CMTM5: variants seen among roughly 807,000 people sequenced by gnomAD.
CMTM5 encodes CKLF-like MARVEL transmembrane domain-containing protein 5.
Under a neutral mutation model 26.9 loss-of-function variants are expected in CMTM5, and 25 were observed. The ratio of observed to expected loss-of-function variants is 0.93; its 90% CI spans 0.68 to 1.30. CMTM5 has a LOEUF of 1.30. Among genes scored for constraint, CMTM5 ranks in the 50% most tolerant of loss-of-function variants. The pLI is 0.00. For missense variants in CMTM5, 292 were observed against 289.6 expected (o/e 1.01, Z -0.06); for synonymous variants, 98 against 115.5 (o/e 0.85, Z 0.97).
At chr14:23,376,906 CTTT>C, upstream of CMTM5, 1 of 277,264 alleles carries the variant, frequency 3.6e-6, no homozygotes, top group South Asian at 5.7e-5. Context: ...CTCCCAGTTT[CTTT>C]TCGGACCTCC....
rs753088572 is a variant in CMTM5 at position 23,379,281 on chromosome 14, C to T, written c.574-18C>T. On this transcript the variant is annotated intron_variant, in intron 4 of 5. Transcript: ENST00000339180. ...CCCTATAGCCTCTGTTTTGCCATCC[C>T]CACTCCCACTCCCACAGGTTTTTGG... 41 of 1,613,756 alleles carry T rather than the reference C, an allele frequency of 2.5e-5. No homozygotes were observed. Among genetic ancestry groups the T allele is most frequent in the South Asian group, 1.1e-5 (1 of 91,022 alleles).
rs754669344 is a variant in CMTM5 at position 23,379,334 on chromosome 14, T to C, written c.609T>C (p.Tyr203=). 17 of 1,614,060 alleles carry C rather than the reference T, an allele frequency of 1.1e-5. No individual in the cohort carries two copies. Among genetic ancestry groups the C allele is most frequent in the Admixed American group, 1.0e-4 (6 of 60,008 alleles). The part of the protein sequence containing the change: ...FGIILVSIFA[Y]DAFKIYRTEM... ...TCATCCTGGTTTCCATCTTTGCCTA[T>C]GATGCCTTCAAGATCTACCGGACTG... The change falls in exon 5 of 6, where the codon TAT becomes TAC. Residue 203 remains tyrosine, a synonymous_variant. Coordinates refer to ENST00000339180, the MANE Select transcript of CMTM5 (RefSeq NM_001288746.2).
Position 23,378,569 on chromosome 14 carries a change from T to A in CMTM5, c.279+68T>A. The A allele has an allele frequency of 6.2e-7, 1 of 1,609,450 alleles. No homozygotes were observed. Among genetic ancestry groups the A allele is most frequent in the Admixed American group, 1.7e-5 (1 of 59,878 alleles). ...CTCCTCTAAATGATGCATTTTCCTT[T>A]CCTCCCCGAGCTTCTTTCCATTTCC... On this transcript the variant is annotated intron_variant, in intron 2 of 5. Transcript: ENST00000339180. The surrounding 1 kb of genome is among the most constrained non-coding windows in gnomAD (Gnocchi z 4.2).
Position 23,377,386 on chromosome 14 carries a change from T to C in CMTM5, c.126+9T>C, listed in dbSNP as rs1304239004. The C allele has an allele frequency of 6.4e-7, 1 of 1,567,606 alleles. No individual in the cohort carries two copies. The highest frequency in any genetic ancestry group is 8.7e-7 in the Non-Finnish European group (1 of 1,154,716). On this transcript the variant is annotated intron_variant, in intron 1 of 5. Transcript: ENST00000339180. The surrounding 1 kb of genome is among the most constrained non-coding windows in gnomAD (Gnocchi z 4.6). ...TGCTGGAAACCGAGCTGGTAACAGC[T>C]GCCTCCCAACCTGGTGCCTCCATCT...
Position 23,379,638 on chromosome 14 carries a change from T to C in CMTM5, c.*151T>C. On this transcript the variant is annotated 3_prime_UTR_variant, in exon 6 of 6. Coordinates refer to ENST00000339180, the MANE Select transcript of CMTM5 (RefSeq NM_001288746.2). Reference sequence around the variant, plus strand: ...CCTGAGACGTCACTGGGGACTTATCTGTGGAGCCTGGTGCTCCAGGATGTG... The same window carrying C: ...CCTGAGACGTCACTGGGGACTTATCCGTGGAGCCTGGTGCTCCAGGATGTG... 6.9e-7 allele frequency: 1 copy of C among 1,445,698 alleles called. No individual in the cohort carries two copies. The allele number at this position is 1,445,698 out of a possible 1,614,324, so 89.6% of individuals were successfully genotyped here. A position where few individuals can be genotyped will look rare whatever the true frequency, so the allele number is the denominator to read the frequency against.
chr14:23,377,987 G>A lies in CMTM5; in HGVS notation c.127-362G>A. Reference sequence around the variant, plus strand: ...CTGGGGGTGGGGAAAGCATTATGAGGCAGGGGGCTCCTCTTGGTCCCTGTG... The same window carrying A: ...CTGGGGGTGGGGAAAGCATTATGAGACAGGGGGCTCCTCTTGGTCCCTGTG... On this transcript the variant is annotated intron_variant, in intron 1 of 5. Transcript: ENST00000339180. This position sits in a 1 kb window ranked among gnomAD's most constrained non-coding sequence, Gnocchi z 4.6. 4.1e-6 allele frequency: 1 copy of A among 241,590 alleles called. No homozygotes were observed. Among genetic ancestry groups the A allele is most frequent in the Non-Finnish European group, 7.9e-6 (1 of 126,220 alleles). The allele number at this position is 241,590 out of a possible 1,614,324, so 15.0% of individuals were successfully genotyped here. A position where few individuals can be genotyped will look rare whatever the true frequency, so the allele number is the denominator to read the frequency against.
chr14:23,378,964 T>A lies in CMTM5; in HGVS notation c.481-67T>A. 1 of 1,607,462 alleles carries A rather than the reference T, an allele frequency of 6.2e-7. No homozygotes were observed. Among genetic ancestry groups the A allele is most frequent in the Non-Finnish European group, 8.5e-7 (1 of 1,175,240 alleles). ...CTCAGGGTCGGGCTGCTGGCTAGCC[T>A]GGAAAACTTCAGGGTAACGCCCCCT... On this transcript the variant is annotated intron_variant, in intron 3 of 5. Transcript: ENST00000339180. The surrounding 1 kb of genome is among the most constrained non-coding windows in gnomAD (Gnocchi z 4.2).
upstream of CMTM5, chr14:23,377,024 T>C: frequency 3.6e-6 from 2 of 558,158 alleles, no homozygotes; most frequent in South Asian, 2.2e-5. This position sits in a 1 kb window ranked among gnomAD's most constrained non-coding sequence, Gnocchi z 4.6. Context: ...TCTAGGGGGC[T>C]GGTGCAGGCA....
chr14:23,379,292 C>T lies in CMTM5; in HGVS notation c.574-7C>T, dbSNP rs1469758006. 9 of 1,614,032 alleles carry T rather than the reference C, an allele frequency of 5.6e-6. No homozygotes were observed. Among genetic ancestry groups the T allele is most frequent in the East Asian group, 2.2e-5 (1 of 44,900 alleles). On this transcript the variant is annotated splice_polypyrimidine_tract_variant and splice_region_variant and intron_variant, in intron 4 of 5. Transcript: ENST00000339180. ...CTGTTTTGCCATCCCCACTCCCACT[C>T]CCACAGGTTTTTGGCATCATCCTGG...
chr14:23,377,148 T>C lies in CMTM5; in HGVS notation c.-104T>C. 1 of 1,486,334 alleles carries C rather than the reference T, an allele frequency of 6.7e-7. No individual in the cohort carries two copies. Among genetic ancestry groups the C allele is most frequent in the East Asian group, 2.3e-5 (1 of 42,672 alleles). The allele number at this position is 1,486,334 out of a possible 1,614,324, so 92.1% of individuals were successfully genotyped here. On this transcript the variant is annotated 5_prime_UTR_variant, in exon 1 of 6. Coordinates refer to ENST00000339180, the MANE Select transcript of CMTM5 (RefSeq NM_001288746.2). The surrounding 1 kb of genome is among the most constrained non-coding windows in gnomAD (Gnocchi z 4.6). ...GCCTCCTGCTTCACTTTCAGGTTTC[T>C]CGAAGTGCCTTCTTGCTCCTGTCTG...
rs1178171566 is a variant in CMTM5 at position 23,379,048 on chromosome 14, C to G, written c.498C>G (p.Val166=). 1 of 1,614,018 alleles carries G rather than the reference C, an allele frequency of 6.2e-7. No homozygotes were observed. The highest frequency in any genetic ancestry group is 8.5e-7 in the Non-Finnish European group (1 of 1,180,022). The change falls in exon 4 of 6, where the codon GTC becomes GTG. Residue 166 remains valine (V), a synonymous_variant. Transcript: ENST00000339180. ...SLGSSDFLRC[V]SAIIIFLVVS... ...GCCCCCAGGACTTCCTGCGCTGTGTCAGTGCCATCATCATCTTCCTGGTGG... is the reference window on the plus strand; with the variant it reads ...GCCCCCAGGACTTCCTGCGCTGTGTGAGTGCCATCATCATCTTCCTGGTGG...
Position 23,378,349 on chromosome 14 carries a change from G to C in CMTM5, c.127G>C (p.Ala43Pro), listed in dbSNP as rs143328744. The C allele has an allele frequency of 3.7e-6, 6 of 1,613,774 alleles. No individual in the cohort carries two copies. The highest frequency in any genetic ancestry group is 1.7e-5 in the Admixed American group (1 of 59,990). Residue 43 changes from alanine to proline, a missense_variant and splice_region_variant, in exon 2 of 6, where the codon GCC becomes CCC. Transcript: ENST00000339180. This position sits in a 1 kb window ranked among gnomAD's most constrained non-coding sequence, Gnocchi z 4.2. ...ATGTTCCACATGCTCGGTCCTGCAG[G>C]CCCTGACCCTCATCATCTTCATCTG... ...HKGILLETELALTLIIFICFT... is the reference protein window; with the variant it reads ...HKGILLETELPLTLIIFICFT...
At position 23,377,325 on chromosome 14, in the gene CMTM5, T is replaced by C. The variant is rs757476443; in HGVS notation, c.74T>C (p.Val25Ala). The C allele has an allele frequency of 1.2e-6, 2 of 1,608,932 alleles. No homozygotes were observed. Among genetic ancestry groups the C allele is most frequent in the East Asian group, 2.2e-5 (1 of 44,580 alleles). Residue 25 changes from valine (V) to alanine (A), a missense_variant, in exon 1 of 6, where the codon GTG (valine) becomes GCG (alanine). Coordinates refer to ENST00000339180, the MANE Select transcript of CMTM5 (RefSeq NM_001288746.2). The surrounding 1 kb of genome is among the most constrained non-coding windows in gnomAD (Gnocchi z 4.6). The part of the protein sequence containing the change: ...GVVAELQGFA[V>A]DKAFLTSHKG... ...GTTGCAGAGCTCCAGGGCTTCGCGGTGGACAAGGCCTTCCTCACCTCCCAC... is the reference window on the plus strand; with the variant it reads ...GTTGCAGAGCTCCAGGGCTTCGCGGCGGACAAGGCCTTCCTCACCTCCCAC...
Position 23,377,292 on chromosome 14 carries a change from AG to A in CMTM5, c.46del (p.Val16Ter). 2 of 1,612,284 alleles carry A rather than the reference AG, an allele frequency of 1.2e-6. No individual in the cohort carries two copies. Among genetic ancestry groups the A allele is most frequent in the Non-Finnish European group, 1.7e-6 (2 of 1,179,214 alleles). On this transcript the variant is annotated frameshift_variant, in exon 1 of 6. Coordinates refer to ENST00000339180, the MANE Select transcript of CMTM5 (RefSeq NM_001288746.2). LOFTEE classifies it high-confidence loss of function. The surrounding 1 kb of genome is among the most constrained non-coding windows in gnomAD (Gnocchi z 4.6). Reference sequence around the variant, plus strand: ...GATCGCCGGGACCGGCACCCTGAGGAGGGGGTAGTTGCAGAGCTCCAGGGCT... The same window carrying A: ...GATCGCCGGGACCGGCACCCTGAGGAGGGGTAGTTGCAGAGCTCCAGGGCT... ...ARDRRDRHPE[E>X]GVVAELQGFA...
rs1277982977 is a variant in CMTM5, at chr14:23,377,607, A to G, written c.126+230A>G. 2 of 464,040 alleles carry G rather than the reference A, an allele frequency of 4.3e-6. No homozygotes were observed. The highest frequency in any genetic ancestry group is 3.6e-5 in the East Asian group (1 of 27,992). 28.7% of individuals were successfully genotyped at this position (464,040 alleles called of 1,614,324 possible). A position where few individuals can be genotyped will look rare whatever the true frequency, so the allele number is the denominator to read the frequency against. On this transcript the variant is annotated intron_variant, in intron 1 of 5. Transcript: ENST00000339180. The surrounding 1 kb of genome is among the most constrained non-coding windows in gnomAD (Gnocchi z 4.6). ...TTGCAGCAGGAAGGACTGCAGTTAGACAGGGTGACTTTTTGGGACATTGAG... is the reference window on the plus strand; with the variant it reads ...TTGCAGCAGGAAGGACTGCAGTTAGGCAGGGTGACTTTTTGGGACATTGAG...
At position 23,378,583 on chromosome 14, in the gene CMTM5, C is replaced by T. The variant is rs1890692734; in HGVS notation, c.279+82C>T. On this transcript the variant is annotated intron_variant, in intron 2 of 5. Coordinates refer to ENST00000339180, the MANE Select transcript of CMTM5 (RefSeq NM_001288746.2). The surrounding 1 kb of genome is among the most constrained non-coding windows in gnomAD (Gnocchi z 4.2). ...GCATTTTCCTTTCCTCCCCGAGCTT[C>T]TTTCCATTTCCACACCACAGCTGGG... The T allele has an allele frequency of 6.2e-7, 1 of 1,608,350 alleles. No homozygotes were observed. The highest frequency in any genetic ancestry group is 8.5e-7 in the Non-Finnish European group (1 of 1,175,340).
At chr14:23,379,240 T>C (rs917513408) in intron 4 of CMTM5, 59 bp from the exon 5 acceptor site, 193 of 1,609,292 alleles carry the variant, frequency 1.2e-4, no homozygotes, top group Non-Finnish European at 1.6e-4. Flanking sequence ...CCTCACCCTA[T>C]ACCTTAACCC....
chr14:23,378,710 T>C lies in CMTM5; in HGVS notation c.321T>C (p.Asp107=). Residue 107 remains aspartate (D), a synonymous_variant, in exon 3 of 6, where the codon GAT becomes GAC. Coordinates refer to ENST00000339180, the MANE Select transcript of CMTM5 (RefSeq NM_001288746.2). This position sits in a 1 kb window ranked among gnomAD's most constrained non-coding sequence, Gnocchi z 4.2. ...AATCAGGAGGACCACATCCGCTAGATCTACTCTCCCACTCAGCAAAGGTCC... is the reference window on the plus strand; with the variant it reads ...AATCAGGAGGACCACATCCGCTAGACCTACTCTCCCACTCAGCAAAGGTCC... ...HGQSGGPHPL[D]LLSHSAKVQP... 6.2e-7 allele frequency: 1 copy of C among 1,612,684 alleles called. No individual in the cohort carries two copies. Among genetic ancestry groups the C allele is most frequent in the Non-Finnish European group, 8.5e-7 (1 of 1,179,846 alleles).
Position 23,379,380 on chromosome 14 carries a change from CAGGG to C in CMTM5, c.656_658+1del, listed in dbSNP as rs1890763180. ...GACTGAGATGGCACCCGGGGCCAGC[CAGGG>C]TGAGTGCCTGTGCTCTGTGGAGAGG... On this transcript the variant is annotated splice_donor_variant and coding_sequence_variant, in exon 5 of 6. Transcript: ENST00000339180. LOFTEE classifies it high-confidence loss of function. The C allele has an allele frequency of 2.5e-6, 4 of 1,614,194 alleles. No homozygotes were observed. In the East Asian group the frequency reaches 8.9e-5, roughly 36 times the overall value.
Sources: gnomAD v4.1 joint callset for allele counts on GRCh38, gnomAD v4.1.1 for gene constraint, Gnocchi (gnomAD v3.1) non-coding constraint, MANE v1.5 for transcripts, NCBI Gene and HGNC (gene_info 2026-07-23, HGNC 2026-07-21) for gene names.